BEND7: variants seen among roughly 807,000 people sequenced by gnomAD.
BEND7 encodes the protein BEN domain-containing protein 7.
In BEND7, 28 loss-of-function variants were observed where a neutral mutation model predicts 50.9. The observed-to-expected ratio is 0.55, with a 90% CI of 0.41 to 0.75. BEND7 has a LOEUF of 0.75. Ranked by LOEUF, BEND7 falls within the 30% of genes least tolerant of loss-of-function variation. The pLI, the probability that BEND7 is intolerant of heterozygous loss-of-function variation, is 0.00. For synonymous variants in BEND7, 170 were observed against 183.9 expected (o/e 0.92, Z 0.61); for missense variants, 477 against 491.3 (o/e 0.97, Z 0.28).
chr10:13,447,149 G>GCAGAT (rs2130906330), intron 8 of BEND7, 117 bp downstream of exon 8: 1 of 995,666 alleles, frequency 1.0e-6, no homozygotes, highest in Non-Finnish European at 1.5e-6. Context: ...CTGGTCCACT[G>GCAGAT]CAGAAGCAGT....
rs2075823051 is a variant in BEND7 at position 13,481,121 on chromosome 10, C to T, written c.841G>A (p.Glu281Lys). The change falls in exon 6 of 9, where the codon GAA becomes AAA. Residue 281 changes from glutamate to lysine, a missense_variant. Glu to Lys is a moderately conservative substitution (Grantham distance 56). This residue lies in a region of BEND7 where 396 missense variants were observed against 384.2 expected (regional missense o/e 1.03). Transcript: ENST00000466271. ...TCAAAGCCTTCAGCAAGTTGTACTT[C>T]TGGCTACCAAAAGAACACAGATATT... ...IVLESPSSDP[E>K]VQLAEGFDVF... 1.2e-6 allele frequency: 2 copies of T among 1,613,368 alleles called. No individual in the cohort carries two copies. Among genetic ancestry groups the T allele is most frequent in the South Asian group, 1.1e-5 (1 of 90,960 alleles).
At chr10:13,482,530 A>C (rs1056576987) in intron 5 of BEND7, among the ~76,000 whole-genome samples, 2 of 152,208 alleles carry the variant, frequency 1.3e-5, no homozygotes, top group African/African-American at 2.4e-5. Context: ...ATCACTTTTC[A>C]ACATGCCACC....
At chr10:13,439,240 T>TC, downstream of BEND7, 2 of 1,614,172 alleles carry the variant, frequency 1.2e-6, no homozygotes, top group South Asian at 1.1e-5. Flanking sequence ...AAGTTGCGAA[T>TC]CCCTCTCTGA....
chr10:13,521,701 C>A (rs539715237), intron 2 of BEND7, among the ~76,000 whole-genome samples: 125 of 152,308 alleles, frequency 8.2e-4, no homozygotes, highest in Admixed American at 1.4e-3. Flanking sequence ...TATGGTGACA[C>A]ACTAGACCCT....
intron 6 of BEND7, among the ~76,000 whole-genome samples, chr10:13,473,495 G>A (rs1350264986): frequency 1.4e-5 from 2 of 147,142 alleles, no homozygotes; most frequent in African/African-American, 5.1e-5. Flanking sequence ...ATCTGTCATC[G>A]CTGTTAGACT....
intron 2 of BEND7, chr10:13,500,549 A>C: frequency 2.0e-6 from 2 of 990,474 alleles, no homozygotes; most frequent in Non-Finnish European, 2.4e-6. Context: ...GACAAGGAAG[A>C]AAGCCTGGAC....
Position 13,500,473 on chromosome 10 carries a change from G to T in BEND7, c.146-393C>A, listed in dbSNP as rs145568677. On this transcript the variant is annotated intron_variant, in intron 2 of 8. Transcript: ENST00000466271. ...CTGCTCTGATGGGCCACAGCCACCC[G>T]TGAGGAATGGGCAGGTCACTAAAGC... The T allele has an allele frequency of 6.0e-6, 6 of 991,792 alleles. No individual in the cohort carries two copies. In the African/African-American group the frequency reaches 8.7e-5, roughly 14 times the overall value. 61.4% of individuals were successfully genotyped at this position (991,792 alleles called of 1,614,324 possible).
chr10:13,454,377 G>C (rs376935593), intron 6 of BEND7, among the ~76,000 whole-genome samples: 3 of 152,154 alleles, frequency 2.0e-5, no homozygotes, highest in Admixed American at 6.5e-5. Flanking sequence ...AGGCTAAGGT[G>C]GGGGGCGTTG....
chr10:13,466,829 A>G (rs2074295997), intron 6 of BEND7, among the ~76,000 whole-genome samples: 1 of 152,172 alleles, frequency 6.6e-6, no homozygotes. Flanking sequence ...GTTTTTCAGT[A>G]TATGAATTTT....
rs1326581119 is a variant in BEND7, at chr10:13,442,140, G to T, written c.1235-390C>A. On this transcript the variant is annotated intron_variant, in intron 8 of 8. Transcript: ENST00000466271. Reference sequence around the variant, plus strand: ...CTAGGCAGGGCCCCAGCCACGGAGGGGTTAACGGGCTCTGGGCAACCGCTT... The same window carrying T: ...CTAGGCAGGGCCCCAGCCACGGAGGTGTTAACGGGCTCTGGGCAACCGCTT... The T allele has an allele frequency of 2.1e-5, 4 of 191,722 alleles. No individual in the cohort carries two copies. The East Asian group carries it at 5.4e-4, about 26-fold the overall frequency. The allele number at this position is 191,722 out of a possible 1,614,324, so 11.9% of individuals were successfully genotyped here.
chr10:13,457,961 A>C (rs1282339214), intron 6 of BEND7, among the ~76,000 whole-genome samples: 9 of 152,378 alleles, frequency 5.9e-5, no homozygotes, highest in African/African-American at 1.7e-4. Context: ...ATATATGAAG[A>C]AGCAGCAAGG....
chr10:13,495,263 CAGG>C (rs2076948000), intron 4 of BEND7, among the ~76,000 whole-genome samples: 1 of 152,202 alleles, frequency 6.6e-6, no homozygotes, highest in Non-Finnish European at 1.5e-5. Context: ...TAACCTCCTC[CAGG>C]TTAATAAGAA....
intron 6 of BEND7, among the ~76,000 whole-genome samples, chr10:13,461,511 T>A (rs973491410): frequency 1.3e-5 from 2 of 152,168 alleles, no homozygotes; most frequent in Non-Finnish European, 2.9e-5. Flanking sequence ...GGCGGGCAGA[T>A]CACTTTCAGT....
chr10:13,475,179 CA>C (rs1307958945), intron 6 of BEND7, among the ~76,000 whole-genome samples: 39 of 152,236 alleles, frequency 2.6e-4, no homozygotes, highest in African/African-American at 9.1e-4. Context: ...ACAACAACAA[CA>C]ACTAGGTGAG....
At chr10:13,507,311 T>A (rs1386465307) in intron 2 of BEND7, among the ~76,000 whole-genome samples, 1 of 152,124 alleles carries the variant, frequency 6.6e-6, no homozygotes, top group African/African-American at 2.4e-5. Flanking sequence ...ACTGACTCTC[T>A]CTCCCCGCGC....
intron 2 of BEND7, among the ~76,000 whole-genome samples, chr10:13,507,556 TA>T (rs2077986157): frequency 2.0e-5 from 3 of 152,240 alleles, no homozygotes; most frequent in Admixed American, 2.0e-4. Flanking sequence ...CTTTCACTAA[TA>T]AATGGCCACT....
At chr10:13,466,150 T>A (rs1051716140) in intron 6 of BEND7, among the ~76,000 whole-genome samples, 2 of 152,190 alleles carry the variant, frequency 1.3e-5, no homozygotes, top group African/African-American at 4.8e-5. Context: ...TATATTTCAA[T>A]GGTTACGTCG....
chr10:13,504,371 G>A lies in BEND7; in HGVS notation c.146-4291C>T, dbSNP rs112210546. Among the ~76,000 whole-genome samples the A allele has an allele frequency of 8.5e-5, 13 of 152,260 alleles. 1 individual carries two copies. The highest frequency in any genetic ancestry group is 2.9e-4 in the African/African-American group (12 of 41,542). ...AGAGTCTGAACCCTAACCCGGGGAG[G>A]GGCACATGGTAGTCCAGGAGGGGCA... On this transcript the variant is annotated intron_variant, in intron 2 of 8. Transcript: ENST00000466271.
chr10:13,502,867 T>C (rs2132278472), intron 2 of BEND7: 2 of 984,534 alleles, frequency 2.0e-6, no homozygotes, highest in Non-Finnish European at 2.4e-6. Flanking sequence ...CCACCCCGGC[T>C]CTCAAGTCCA....
Sources: allele counts gnomAD v4.1 joint callset (sites outside exome capture counted in the v4.1 genomes callset), GRCh38; gene constraint gnomAD v4.1.1; regional missense constraint gnomAD v4.1.1; transcripts MANE v1.5; gene names NCBI Gene and HGNC (gene_info 2026-07-23, HGNC 2026-07-21).